Variants in ZDHHC15 observed in about 807,000 individuals in gnomAD.
The protein encoded by ZDHHC15 is zDHHC palmitoyltransferase 15.
Under a neutral mutation model 31.7 loss-of-function variants are expected in ZDHHC15, and 19 were observed. That is an observed-to-expected ratio of 0.60 (90% CI 0.42 to 0.88). The LOEUF (loss-of-function observed/expected upper bound fraction) is 0.88. Ranked by LOEUF, ZDHHC15 falls within the 40% of genes least tolerant of loss-of-function variation. The pLI, the probability that ZDHHC15 is intolerant of heterozygous loss-of-function variation, is 0.00. For synonymous variants in ZDHHC15, 103 were observed against 90.0 expected (o/e 1.14, Z -0.82); for missense variants, 209 against 251.2 (o/e 0.83, Z 1.14).
intron 3 of ZDHHC15, among the ~76,000 whole-genome samples, chrX:75,457,129 T>C (rs1030553110): frequency 8.9e-6 from 1 of 111,857 alleles, no homozygotes; most frequent in Non-Finnish European, 1.9e-5. Context: ...ATTGCCAATG[T>C]TTTTAATTTT....
At chrX:75,462,719 G>A (rs1425416071) in intron 3 of ZDHHC15, among the ~76,000 whole-genome samples, 1 of 111,453 alleles carries the variant, frequency 9.0e-6, no homozygotes, top group African/African-American at 3.3e-5. Context: ...TCTTTGAAAC[G>A]AATGAGAACC....
intron 3 of ZDHHC15, among the ~76,000 whole-genome samples, chrX:75,474,522 G>GTGTATATATATATATAATCCCCTT (rs1556026630): frequency 1.9e-4 from 2 of 10,618 alleles, no homozygotes; most frequent in African/African-American, 2.6e-4. Context: ...CCATATGTGT[G>GTGTATATATATATATAATCCCCTT]TATATATATA....
At chrX:75,514,163 C>T (rs754552567) in intron 1 of ZDHHC15, among the ~76,000 whole-genome samples, 197 of 112,432 alleles carry the variant, frequency 1.8e-3, no homozygotes, top group Middle Eastern at 4.6e-3. Context: ...CTGTAACCCA[C>T]GCTATACAAA....
intron 2 of ZDHHC15, among the ~76,000 whole-genome samples, chrX:75,504,315 G>A (rs2085127517): frequency 9.0e-6 from 1 of 111,452 alleles, no homozygotes; most frequent in African/African-American, 3.2e-5. Context: ...TTTTGCCAAT[G>A]CCAAATAATG....
At chrX:75,445,853 T>G (rs976698463) in intron 4 of ZDHHC15, among the ~76,000 whole-genome samples, 1 of 111,545 alleles carries the variant, frequency 9.0e-6, no homozygotes. Flanking sequence ...CTGCAACCAG[T>G]AGAAGCAGCT....
chrX:75,472,350 C>A (rs941707359), intron 3 of ZDHHC15, among the ~76,000 whole-genome samples: 2 of 111,979 alleles, frequency 1.8e-5, no homozygotes, highest in Non-Finnish European at 3.8e-5. Context: ...GGAAGGACAG[C>A]GGTGTAAAGA....
At chrX:75,380,803 T>G (rs1602538489) in intron 10 of ZDHHC15, among the ~76,000 whole-genome samples, 1 of 111,684 alleles carries the variant, frequency 9.0e-6, no homozygotes, top group Admixed American at 9.5e-5. Context: ...GTGATTTCAC[T>G]TACTCAATAT....
chrX:75,513,724 C>A (rs1336542400), intron 1 of ZDHHC15, among the ~76,000 whole-genome samples: 1 of 111,437 alleles, frequency 9.0e-6, no homozygotes, highest in Admixed American at 9.6e-5. Context: ...AAACTTCATA[C>A]ATTTGGTAAA....
intron 4 of ZDHHC15, among the ~76,000 whole-genome samples, chrX:75,449,977 C>T (rs759000316): frequency 6.6e-4 from 74 of 111,677 alleles, no homozygotes; most frequent in African/African-American, 2.3e-3. Context: ...TATGTCTTTG[C>T]ACAGATACTT....
chrX:75,465,304 G>C (rs968202909), intron 3 of ZDHHC15, among the ~76,000 whole-genome samples: 9 of 112,024 alleles, frequency 8.0e-5, no homozygotes, highest in African/African-American at 2.9e-4. Context: ...CAAAATCAGA[G>C]AGGACACAAA....
chrX:75,479,324 C>A (rs148884849), intron 2 of ZDHHC15, among the ~76,000 whole-genome samples: 4,397 of 111,775 alleles, frequency 0.039, 102 homozygotes, highest in Middle Eastern at 0.069. Flanking sequence ...ACACAATTTA[C>A]ACAGCACTTT....
intron 3 of ZDHHC15, among the ~76,000 whole-genome samples, chrX:75,465,775 T>C (rs1474598186): frequency 9.0e-6 from 1 of 111,526 alleles, no homozygotes; most frequent in Non-Finnish European, 1.9e-5. Context: ...CCCCCTTCCT[T>C]ACACCTTATA....
chrX:75,488,182 T>A (rs774364281), intron 2 of ZDHHC15, among the ~76,000 whole-genome samples: 2 of 111,543 alleles, frequency 1.8e-5, no homozygotes, highest in Non-Finnish European at 3.8e-5. Flanking sequence ...ACATGGGAAA[T>A]TCATCGCAAA....
chrX:75,469,327 A>G (rs1442944308), intron 3 of ZDHHC15, among the ~76,000 whole-genome samples: 1 of 111,842 alleles, frequency 8.9e-6, no homozygotes, highest in Non-Finnish European at 1.9e-5. Flanking sequence ...CACCATCACT[A>G]CCATCCATCT....
At chrX:75,457,705 C>T (rs187083096) in intron 3 of ZDHHC15, among the ~76,000 whole-genome samples, 3 of 108,966 alleles carry the variant, frequency 2.8e-5, no homozygotes, top group East Asian at 2.9e-4. Context: ...ACAGAGTCAG[C>T]CTTCCCTATG....
At chrX:75,472,006 T>C (rs988095770) in intron 3 of ZDHHC15, among the ~76,000 whole-genome samples, 4 of 112,083 alleles carry the variant, frequency 3.6e-5, no homozygotes, top group Non-Finnish European at 7.5e-5. Flanking sequence ...CTATCTATCA[T>C]GAACTGGGCA....
chrX:75,452,462 CA>C (rs2084139384), intron 3 of ZDHHC15, among the ~76,000 whole-genome samples: 1 of 111,056 alleles, frequency 9.0e-6, no homozygotes, highest in Admixed American at 9.6e-5. Flanking sequence ...ACCCCACTGT[CA>C]ATATTAGACA....
intron 4 of ZDHHC15, among the ~76,000 whole-genome samples, chrX:75,446,533 A>G (rs1353198299): frequency 1.8e-5 from 2 of 112,434 alleles, no homozygotes; most frequent in African/African-American, 3.2e-5. Context: ...ATGGAAAAAA[A>G]GTGTGAAGAT....
intron 10 of ZDHHC15, among the ~76,000 whole-genome samples, chrX:75,388,053 G>A (rs1040382005): frequency 8.9e-6 from 1 of 111,973 alleles, no homozygotes; most frequent in Admixed American, 9.5e-5. Flanking sequence ...TGAGGGGCAG[G>A]GAGCAGGAAG....
Sources: gnomAD v4.1 joint callset for allele counts (sites outside exome capture counted in the v4.1 genomes callset) on GRCh38, gnomAD v4.1.1 for gene constraint, MANE v1.5 for transcripts, NCBI Gene and HGNC (gene_info 2026-07-23, HGNC 2026-07-21) for gene names.